C1orf146: variants seen among roughly 807,000 people sequenced by gnomAD.
The protein encoded by C1orf146 is protein SPO16 homolog.
In C1orf146, 22 loss-of-function variants were observed where a neutral mutation model predicts 23.0. The observed-to-expected ratio is 0.96, with a 90% CI of 0.68 to 1.36. The LOEUF (loss-of-function observed/expected upper bound fraction) is 1.36. C1orf146 is among the 40% of genes most tolerant of loss of function. C1orf146 has a pLI of 0.00. For missense variants in C1orf146, 199 were observed against 206.8 expected (o/e 0.96, Z 0.23); for synonymous variants, 59 against 65.3 (o/e 0.90, Z 0.47).
At chr1:92,224,043 T>TTGAG (rs1651904711) in intron 1 of C1orf146, among the ~76,000 whole-genome samples, 1 of 148,318 alleles carries the variant, frequency 6.7e-6, no homozygotes, top group African/African-American at 2.5e-5. Flanking sequence ...TTTATTTATT[T>TTGAG]ATTTATTTAT....
chr1:92,245,433 T>TG lies in C1orf146; in HGVS notation c.409-106dup, dbSNP rs147765631. 10,290 of 835,248 alleles carry TG rather than the reference T, an allele frequency of 0.012. 764 individuals are homozygous for TG. The African/African-American group carries it at 0.16, about 13-fold the overall frequency. The allele number at this position is 835,248 out of a possible 1,614,324, so 51.7% of individuals were successfully genotyped here. On this transcript the variant is annotated intron_variant, in intron 5 of 5. Coordinates refer to ENST00000370375, the MANE Select transcript of C1orf146 (RefSeq NM_001012425.2). ...TCATACATAGTATTTAGCACAAAGA[T>TG]GATCAAGAGATTTGCTGAAAGAATG...
At chr1:92,221,644 AC>A (rs1392988427) in intron 1 of C1orf146, among the ~76,000 whole-genome samples, 1 of 152,184 alleles carries the variant, frequency 6.6e-6, no homozygotes, top group Non-Finnish European at 1.5e-5. Context: ...AACTTCTGGG[AC>A]CTTTTTCAGT....
At chr1:92,233,919 A>T (rs185201226) in intron 2 of C1orf146, among the ~76,000 whole-genome samples, 1 of 152,112 alleles carries the variant, frequency 6.6e-6, no homozygotes, top group Non-Finnish European at 1.5e-5. Flanking sequence ...TTTGTCTGTT[A>T]TTGGTGTGTA....
At chr1:92,240,972 C>T in intron 2 of C1orf146, 1 of 456,312 alleles carries the variant, frequency 2.2e-6, no homozygotes, top group East Asian at 7.5e-5. Context: ...TAGCTGTTTT[C>T]TTACATGTTT....
intron 1 of C1orf146, among the ~76,000 whole-genome samples, chr1:92,219,025 TA>T (rs1651754747): frequency 6.6e-6 from 1 of 152,230 alleles, no homozygotes; most frequent in South Asian, 2.1e-4. Flanking sequence ...AAATTGTTTT[TA>T]AAACCTATGT....
chr1:92,218,042 T>G lies in C1orf146; in HGVS notation c.-46T>G, dbSNP rs1486829755. The G allele has an allele frequency of 6.6e-6, 1 of 152,314 alleles. No individual in the cohort carries two copies. The highest frequency in any genetic ancestry group is 2.4e-5 in the African/African-American group (1 of 41,460). The allele number at this position is 152,314 out of a possible 1,614,324, so 9.4% of individuals were successfully genotyped here. A position where few individuals can be genotyped will look rare whatever the true frequency, so the allele number is the denominator to read the frequency against. The stretch of plus-strand genomic sequence containing the variant: ...CCCTGAGCGGTCTCTGAGGACCTGG[T>G]GAGCAGGTGGGTTTGCAGCGCTGGG... On this transcript the variant is annotated 5_prime_UTR_variant, in exon 1 of 6. Coordinates refer to ENST00000370375, the MANE Select transcript of C1orf146 (RefSeq NM_001012425.2).
chr1:92,227,923 G>A (rs80353596), intron 1 of C1orf146, among the ~76,000 whole-genome samples: 3,102 of 150,968 alleles, frequency 0.021, 49 homozygotes, highest in Non-Finnish European at 0.03. Context: ...ACAACTTGAT[G>A]TCTGTAGTCA....
chr1:92,237,402 T>C (rs12082763), intron 2 of C1orf146, among the ~76,000 whole-genome samples: 14,151 of 152,212 alleles, frequency 0.093, 1,863 homozygotes, highest in African/African-American at 0.3. Flanking sequence ...GTATCAGCAG[T>C]GGTGTCTGCA....
At position 92,245,733 on chromosome 1, in the gene C1orf146, A is replaced by G. The variant is rs945380595; in HGVS notation, c.*59A>G. 2 of 971,520 alleles carry G rather than the reference A, an allele frequency of 2.1e-6. No homozygotes were observed. Among genetic ancestry groups the G allele is most frequent in the African/African-American group, 3.4e-5 (2 of 59,024 alleles). 60.2% of individuals were successfully genotyped at this position (971,520 alleles called of 1,614,324 possible). A position where few individuals can be genotyped will look rare whatever the true frequency, so the allele number is the denominator to read the frequency against. ...AAAATAATTAGACCTGTTAAATTAT[A>G]ATATTCAAATATCTATTTAAAGACA... On this transcript the variant is annotated 3_prime_UTR_variant, in exon 6 of 6. Coordinates refer to ENST00000370375, the MANE Select transcript of C1orf146 (RefSeq NM_001012425.2).
intron 1 of C1orf146, among the ~76,000 whole-genome samples, chr1:92,226,906 T>C (rs1651982595): frequency 6.6e-6 from 1 of 152,198 alleles, no homozygotes; most frequent in Admixed American, 6.5e-5. Context: ...TCTGTTTTTC[T>C]CTATTACCTT....
Position 92,231,467 on chromosome 1 carries a change from T to G in C1orf146, c.47T>G (p.Ile16Ser). ...AAAATAAAATGGACAACCACCATTA[T>G]TATTAGCTCATCTCTTAAGGTAAAG... is the stretch of plus-strand genomic sequence containing the variant. ...KEKIKWTTTI[I>S]ISSSLKSYEV... Residue 16 changes from isoleucine (I) to serine (S), a missense_variant, in exon 2 of 6, where the codon ATT becomes AGT. By Grantham distance (142) the Ile-to-Ser change is moderately radical. Transcript: ENST00000370375. 1 of 1,611,230 alleles carries G rather than the reference T, an allele frequency of 6.2e-7. No homozygotes were observed. Among genetic ancestry groups the G allele is most frequent in the Non-Finnish European group, 8.5e-7 (1 of 1,179,020 alleles).
intron 1 of C1orf146, chr1:92,229,492 C>T: frequency 2.2e-6 from 1 of 459,376 alleles, no homozygotes; most frequent in Non-Finnish European, 4.3e-6. Flanking sequence ...TGAGCTGTAC[C>T]CTTGTCCCCA....
chr1:92,225,576 A>G (rs905266663), intron 1 of C1orf146, among the ~76,000 whole-genome samples: 7 of 152,112 alleles, frequency 4.6e-5, no homozygotes, highest in African/African-American at 1.4e-4. Context: ...TTGATTTCCA[A>G]GTATTCATGG....
intron 1 of C1orf146, among the ~76,000 whole-genome samples, chr1:92,221,688 C>T (rs1169063633): frequency 6.6e-6 from 1 of 152,156 alleles, no homozygotes; most frequent in Non-Finnish European, 1.5e-5. Context: ...GGTTATTTTT[C>T]ACTATGCATA....
intron 1 of C1orf146, among the ~76,000 whole-genome samples, 161 bp from the exon 2 acceptor site, chr1:92,231,221 A>G (rs1215175475): frequency 2.0e-5 from 3 of 152,232 alleles, no homozygotes; most frequent in African/African-American, 7.2e-5. Context: ...CATAGTATTG[A>G]ATAGGCTAAA....
chr1:92,221,513 A>G (rs534842611), intron 1 of C1orf146, among the ~76,000 whole-genome samples: 3 of 152,338 alleles, frequency 2.0e-5, no homozygotes, highest in African/African-American at 7.2e-5. Flanking sequence ...AGAAATTTTT[A>G]CCACTGAAAC....
At chr1:92,235,993 C>A (rs1312936355) in intron 2 of C1orf146, among the ~76,000 whole-genome samples, 1 of 152,034 alleles carries the variant, frequency 6.6e-6, no homozygotes, top group Non-Finnish European at 1.5e-5. Context: ...TTATTTTGAG[C>A]CTATGTGTGT....
rs201472965 is a variant in C1orf146, at chr1:92,244,384, A to G, written c.328A>G (p.Arg110Gly). ...GAAACTGATGTTCAGGATTCAGCAG[A>G]GGTATGGAAGAATAGCATTATAGAC... ...EWKLMFRIQQ[R>G]FLGCNLRILP... Residue 110 changes from arginine (R) to glycine (G), a missense_variant and splice_region_variant, in exon 4 of 6, where the codon AGA becomes GGA. Physicochemically the swap from Arg to Gly is moderately radical, Grantham distance 125. Transcript: ENST00000370375. The G allele has an allele frequency of 6.3e-7, 1 of 1,582,396 alleles. No individual in the cohort carries two copies. Among genetic ancestry groups the G allele is most frequent in the African/African-American group, 1.4e-5 (1 of 72,970 alleles).
chr1:92,221,709 A>G (rs138555760), intron 1 of C1orf146, among the ~76,000 whole-genome samples: 56 of 152,324 alleles, frequency 3.7e-4, no homozygotes, highest in African/African-American at 1.3e-3. Flanking sequence ...ACAAGGGATT[A>G]GTTTTGCTTT....
Sources: gnomAD v4.1 joint callset for allele counts (sites outside exome capture counted in the v4.1 genomes callset) on GRCh38, gnomAD v4.1.1 for gene constraint, MANE v1.5 for transcripts, NCBI Gene and HGNC (gene_info 2026-07-23, HGNC 2026-07-21) for gene names.